The following C8orf34 variants were observed in gnomAD, a reference collection of about 807,000 sequenced individuals.
C8orf34 encodes the protein uncharacterized protein C8orf34.
A neutral mutation model predicts 68.3 loss-of-function variants in C8orf34; 65 were observed. The observed-to-expected ratio is 0.95, with a 90% confidence interval of 0.78 to 1.17. The LOEUF (loss-of-function observed/expected upper bound fraction) is 1.17, where lower values mean the gene tolerates loss of function less well. C8orf34 is among the 50% of genes most tolerant of loss of function. C8orf34 has a pLI of 0.00. For synonymous variants in C8orf34, 244 were observed against 241.2 expected, an observed-to-expected ratio of 1.01 and a Z score of -0.11; for missense variants, 664 against 655.4, an observed-to-expected ratio of 1.01 and a Z score of -0.14.
chr8:68,733,326 T>C (rs1822035538), intron 10 of C8orf34, among the ~76,000 whole-genome samples: 1 of 152,182 alleles, frequency 6.6e-6, no homozygotes, highest in African/African-American at 2.4e-5. Context: ...CCTCAGTTTG[T>C]AAGCCTGGGG....
At chr8:68,548,411 G>A (rs1815956981) in intron 7 of C8orf34, among the ~76,000 whole-genome samples, 1 of 151,552 alleles carries the variant, frequency 6.6e-6, no homozygotes, top group Non-Finnish European at 1.5e-5. Flanking sequence ...TAAACAAATG[G>A]GAAATAAGCA....
At chr8:68,614,933 C>A in intron 7 of C8orf34, among the ~76,000 whole-genome samples, 1 of 152,260 alleles carries the variant, frequency 6.6e-6, no homozygotes, top group Admixed American at 6.5e-5. Context: ...ATGGAATGTT[C>A]TTCCATTTCT....
chr8:68,600,359 A>G (rs555188306), intron 7 of C8orf34, among the ~76,000 whole-genome samples: 25 of 152,146 alleles, frequency 1.6e-4, no homozygotes, highest in Non-Finnish European at 1.0e-4. Context: ...TTCAAACATC[A>G]TATATGATTT....
chr8:68,746,691 T>A (rs1441495193), intron 10 of C8orf34, among the ~76,000 whole-genome samples: 6 of 147,286 alleles, frequency 4.1e-5, no homozygotes, highest in Non-Finnish European at 7.6e-5. Context: ...CAGGAAGAAG[T>A]TGAATCTCTG....
intron 6 of C8orf34, among the ~76,000 whole-genome samples, chr8:68,529,855 T>C (rs1036682443): frequency 1.3e-5 from 2 of 152,128 alleles, no homozygotes; most frequent in Non-Finnish European, 1.5e-5. Context: ...TATATATTAA[T>C]TTTGCATAAA....
chr8:68,526,662 C>T (rs1815003002), intron 6 of C8orf34, among the ~76,000 whole-genome samples: 1 of 147,366 alleles, frequency 6.8e-6, no homozygotes, highest in Non-Finnish European at 1.5e-5. Context: ...GTGCAAAGGG[C>T]ACCCTTTAAT....
intron 10 of C8orf34, among the ~76,000 whole-genome samples, chr8:68,742,813 T>G (rs548197442): frequency 6.6e-6 from 1 of 152,344 alleles, no homozygotes; most frequent in South Asian, 2.1e-4. Context: ...CAAAATCCAG[T>G]GAACTCCTTA....
At chr8:68,807,447 T>A (rs1824518976) in intron 12 of C8orf34, among the ~76,000 whole-genome samples, 1 of 152,238 alleles carries the variant, frequency 6.6e-6, no homozygotes, top group Non-Finnish European at 1.5e-5. Context: ...CTGTTTAATA[T>A]ATACATTGAC....
intron 1 of C8orf34, among the ~76,000 whole-genome samples, chr8:68,426,180 C>A (rs1479114881): frequency 2.0e-5 from 3 of 151,652 alleles, no homozygotes; most frequent in Non-Finnish European, 4.4e-5. Context: ...TAAATAAGAC[C>A]ACATCAAAAT....
intron 10 of C8orf34, among the ~76,000 whole-genome samples, chr8:68,745,816 G>A (rs1159829622): frequency 6.6e-6 from 1 of 152,024 alleles, no homozygotes; most frequent in Non-Finnish European, 1.5e-5. Flanking sequence ...ATCAACATTA[G>A]ACAGATCAAC....
chr8:68,408,261 A>G (rs1050258695), intron 1 of C8orf34, among the ~76,000 whole-genome samples: 2 of 151,610 alleles, frequency 1.3e-5, no homozygotes, highest in Non-Finnish European at 2.9e-5. Flanking sequence ...AGATGGGACC[A>G]TCTAGTTGCA....
At chr8:68,749,662 T>C (rs892995762) in intron 10 of C8orf34, among the ~76,000 whole-genome samples, 1 of 152,178 alleles carries the variant, frequency 6.6e-6, no homozygotes, top group Admixed American at 6.5e-5. Context: ...TACATTTGCC[T>C]ATTCTAGAAA....
intron 8 of C8orf34, among the ~76,000 whole-genome samples, chr8:68,681,884 G>T (rs1820381033): frequency 6.6e-6 from 1 of 152,128 alleles, no homozygotes; most frequent in African/African-American, 2.4e-5. Context: ...GGAACTGGAG[G>T]TCACTATGTT....
chr8:68,524,184 A>G (rs1056796795), intron 6 of C8orf34, among the ~76,000 whole-genome samples: 13 of 152,200 alleles, frequency 8.5e-5, no homozygotes, highest in Non-Finnish European at 4.4e-5. Flanking sequence ...TTCATGCAGA[A>G]TAATAGATAC....
intron 7 of C8orf34, among the ~76,000 whole-genome samples, chr8:68,584,688 T>A (rs1297011119): frequency 1.3e-5 from 2 of 152,170 alleles, no homozygotes; most frequent in Non-Finnish European, 2.9e-5. Flanking sequence ...AAGAGAAACA[T>A]TGTTTAAAAC....
chr8:68,616,264 G>A (rs1047480619), intron 7 of C8orf34, among the ~76,000 whole-genome samples: 1 of 151,964 alleles, frequency 6.6e-6, no homozygotes. Flanking sequence ...TTAATTTTTT[G>A]AAGAGTTTTC....
chr8:68,559,244 G>C (rs1816347464), intron 7 of C8orf34, among the ~76,000 whole-genome samples: 1 of 152,232 alleles, frequency 6.6e-6, no homozygotes, highest in African/African-American at 2.4e-5. Flanking sequence ...AACAGATGGA[G>C]GAGCCTAAAG....
intron 7 of C8orf34, among the ~76,000 whole-genome samples, chr8:68,611,633 G>C (rs979973991): frequency 6.6e-6 from 1 of 152,082 alleles, no homozygotes; most frequent in Non-Finnish European, 1.5e-5. Context: ...TTTCCCTCAA[G>C]TTTTATAAGC....
chr8:68,787,475 T>G lies in C8orf34; in HGVS notation c.1488T>G (p.His496Gln). Residue 496 changes from histidine (H) to glutamine (Q), a missense_variant, in exon 12 of 14, where the codon CAT becomes CAG. His to Gln is a conservative substitution (Grantham distance 24). Transcript: ENST00000518698. ...CCTTAAAGCAATTGCAGGTAGTTCA[T>G]CAACCATGGATCTTGCCAAGTGACA... ...DESLKQLQVV[H>Q]QPWILPSDTE... The G allele has an allele frequency of 6.2e-7, 1 of 1,612,610 alleles. No homozygotes were observed.
Sources: allele counts gnomAD v4.1 joint callset (sites outside exome capture counted in the v4.1 genomes callset), GRCh38; gene constraint gnomAD v4.1.1; transcripts MANE v1.5; gene names NCBI Gene and HGNC (gene_info 2026-07-23, HGNC 2026-07-21).